KIF26B: variants seen among roughly 807,000 people sequenced by gnomAD.
KIF26B encodes the protein kinesin-like protein KIF26B.
KIF26B carries 63 observed loss-of-function variants against 151.2 expected under a neutral mutation model. That is an observed-to-expected ratio of 0.42 (90% CI 0.34 to 0.51). KIF26B has a LOEUF of 0.51. Among genes scored for constraint, KIF26B ranks in the 20% least tolerant of loss-of-function variants. The pLI, the probability that KIF26B is intolerant of heterozygous loss-of-function variation, is 0.07. For missense variants in KIF26B, 2,813 were observed against 2,913.6 expected (o/e 0.97, Z 0.79); for synonymous variants, 1,357 against 1,262.1 (o/e 1.08, Z -1.59).
At chr1:245,245,445 G>C (rs1558359827) in intron 2 of KIF26B, among the ~76,000 whole-genome samples, 1 of 152,152 alleles carries the variant, frequency 6.6e-6, no homozygotes, top group Non-Finnish European at 1.5e-5. Context: ...CTCAGCAGAG[G>C]GTAGGGCTTT....
At chr1:245,546,196 T>C (rs187233183) in intron 5 of KIF26B, among the ~76,000 whole-genome samples, 3 of 152,212 alleles carry the variant, frequency 2.0e-5, no homozygotes, top group African/African-American at 7.2e-5. Context: ...TTTTTGTTTG[T>C]TTGGTTTTGG....
chr1:245,604,811 A>G (rs895787681), intron 6 of KIF26B, among the ~76,000 whole-genome samples: 2 of 152,174 alleles, frequency 1.3e-5, no homozygotes, highest in African/African-American at 4.8e-5. Context: ...AATAAATTAC[A>G]TGTCTGTATA....
At chr1:245,406,661 T>C (rs1366394226) in intron 3 of KIF26B, among the ~76,000 whole-genome samples, 1 of 152,202 alleles carries the variant, frequency 6.6e-6, no homozygotes, top group Non-Finnish European at 1.5e-5. Flanking sequence ...CTCATTGTCT[T>C]TCCCCTTGGC....
At chr1:245,538,295 C>T (rs879385860) in intron 4 of KIF26B, among the ~76,000 whole-genome samples, 41 of 152,146 alleles carry the variant, frequency 2.7e-4, no homozygotes, top group Admixed American at 1.4e-3. Flanking sequence ...CTGAGTTTTG[C>T]GGCCAAGATG....
chr1:245,548,357 A>G (rs1661798251), intron 5 of KIF26B, among the ~76,000 whole-genome samples: 1 of 152,138 alleles, frequency 6.6e-6, no homozygotes, highest in East Asian at 1.9e-4. Context: ...TCCGTCCTGA[A>G]AGAGGCAGCT....
At chr1:245,310,185 A>G (rs1057427370) in intron 2 of KIF26B, among the ~76,000 whole-genome samples, 5 of 151,120 alleles carry the variant, frequency 3.3e-5, no homozygotes, top group African/African-American at 4.9e-5. Flanking sequence ...ATGTATATAT[A>G]TATATCCTAT....
At chr1:245,379,229 A>G (rs1673345695) in intron 3 of KIF26B, among the ~76,000 whole-genome samples, 1 of 152,254 alleles carries the variant, frequency 6.6e-6, no homozygotes, top group Non-Finnish European at 1.5e-5. Context: ...TGAGAATGTC[A>G]TATTTTAAGT....
chr1:245,347,161 G>A (rs148342957), intron 2 of KIF26B, among the ~76,000 whole-genome samples: 88 of 152,196 alleles, frequency 5.8e-4, no homozygotes, highest in African/African-American at 2.1e-3. Flanking sequence ...CTGGCAGAGC[G>A]TTCTCCTCTT....
At chr1:245,457,157 C>T (rs1659551332) in intron 4 of KIF26B, among the ~76,000 whole-genome samples, 1 of 152,028 alleles carries the variant, frequency 6.6e-6, no homozygotes, top group Non-Finnish European at 1.5e-5. Context: ...TGAGCCACTG[C>T]ACCCAGCCCA....
chr1:245,448,641 G>C (rs908070437), intron 4 of KIF26B, among the ~76,000 whole-genome samples: 2 of 152,186 alleles, frequency 1.3e-5, no homozygotes, highest in African/African-American at 4.8e-5. Context: ...ATGCTCAAAA[G>C]CCTGGAGGAC....
intron 5 of KIF26B, among the ~76,000 whole-genome samples, chr1:245,599,988 T>C (rs1010931431): frequency 1.9e-4 from 29 of 151,884 alleles, no homozygotes; most frequent in African/African-American, 6.5e-4. Flanking sequence ...AGTATCCTGC[T>C]TGTGATTCAC....
At chr1:245,483,178 C>T (rs1054643690) in intron 4 of KIF26B, among the ~76,000 whole-genome samples, 1 of 151,662 alleles carries the variant, frequency 6.6e-6, no homozygotes, top group South Asian at 2.1e-4. Context: ...AATCCAAGAG[C>T]CTGGTGAGGA....
chr1:245,665,722 AT>A (rs34201849), intron 10 of KIF26B, among the ~76,000 whole-genome samples: 148,753 of 151,788 alleles, frequency 0.98, 72,908 homozygotes, highest in East Asian at 1. Flanking sequence ...TTTATTTTTT[AT>A]TTTTTTTGAG....
intron 4 of KIF26B, among the ~76,000 whole-genome samples, chr1:245,492,885 A>G (rs1660436892): frequency 6.6e-6 from 1 of 151,998 alleles, no homozygotes; most frequent in African/African-American, 2.4e-5. Context: ...GGTTCAAGCG[A>G]TTCTCCTGCC....
intron 4 of KIF26B, among the ~76,000 whole-genome samples, chr1:245,494,436 G>A (rs372892877): frequency 5.2e-4 from 79 of 152,262 alleles, no homozygotes; most frequent in African/African-American, 1.9e-3. Flanking sequence ...GTAGACAAGC[G>A]ATACAAAATC....
intron 3 of KIF26B, among the ~76,000 whole-genome samples, chr1:245,407,020 T>C (rs1308034039): frequency 6.6e-6 from 1 of 152,174 alleles, no homozygotes; most frequent in Non-Finnish European, 1.5e-5. Flanking sequence ...ACCCCTGACC[T>C]CAAGTGATCT....
At position 245,358,115 on chromosome 1, in the gene KIF26B, A is replaced by T. The variant is rs149986090; in HGVS notation, c.466-8719A>T. On this transcript the variant is annotated intron_variant, in intron 2 of 14. Transcript: ENST00000407071. This position sits in a 1 kb window ranked among gnomAD's most constrained non-coding sequence, Gnocchi z 4.1. ...TATTTTTTGTAGTTGGGATTTCACC[A>T]TGTTGCCCAGGCTGGTCTCGAACTT... Among the ~76,000 whole-genome samples, 12 of 152,008 alleles carry T rather than the reference A, an allele frequency of 7.9e-5. No individual in the cohort carries two copies. Among genetic ancestry groups the T allele is most frequent in the Non-Finnish European group, 1.2e-4 (8 of 68,000 alleles).
chr1:245,535,888 T>C (rs1192912993), intron 4 of KIF26B, among the ~76,000 whole-genome samples: 1 of 152,180 alleles, frequency 6.6e-6, no homozygotes, highest in African/African-American at 2.4e-5. Flanking sequence ...TAAATTCTCA[T>C]AAAAAGTCTA....
At chr1:245,475,332 T>A (rs1459482953) in intron 4 of KIF26B, among the ~76,000 whole-genome samples, 1 of 151,762 alleles carries the variant, frequency 6.6e-6, no homozygotes, top group Admixed American at 6.6e-5. Flanking sequence ...AGGCCTCAGC[T>A]CTACTGAGCG....
Sources: gnomAD v4.1 joint callset for allele counts (sites outside exome capture counted in the v4.1 genomes callset) on GRCh38, gnomAD v4.1.1 for gene constraint, Gnocchi (gnomAD v3.1) non-coding constraint, MANE v1.5 for transcripts, NCBI Gene and HGNC (gene_info 2026-07-23, HGNC 2026-07-21) for gene names.